PRPF6: variants seen among roughly 807,000 people sequenced by gnomAD.
PRPF6 encodes pre-mRNA processing factor 6, also known as pre-mRNA-processing factor 6.
A neutral mutation model predicts 118.3 loss-of-function variants in PRPF6; 42 were observed. That is an observed-to-expected ratio of 0.35 (90% confidence interval 0.28 to 0.46). The LOEUF (loss-of-function observed/expected upper bound fraction) is 0.46, where lower values mean the gene tolerates loss of function less well. Ranked by LOEUF, PRPF6 falls within the 20% of genes least tolerant of loss-of-function variation. The probability of loss-of-function intolerance (pLI) is 1.00; values close to 1 mark genes in which losing one functional copy is unlikely to be tolerated. For missense variants in PRPF6, 662 were observed against 1,255.7 expected (o/e 0.53, Z 7.15); for synonymous variants, 481 against 485.1 (o/e 0.99, Z 0.11).
rs146694953 is a variant in PRPF6 at position 63,995,170 on chromosome 20, T to G, written c.615+78T>G. ...GGCAGGAATGGTGGGTGGTGTTGGA[T>G]TCAATGCTTCTGCAGGTCATGGCTA... On this transcript the variant is annotated intron_variant, in intron 5 of 20. Coordinates refer to ENST00000266079, the MANE Select transcript of PRPF6 (RefSeq NM_012469.4). 5.0e-4 allele frequency: 796 copies of G among 1,603,414 alleles called. 4 individuals carry two copies. In the African/African-American group the frequency reaches 9.3e-3, roughly 19 times the overall value.
chr20:64,002,595 C>G (rs2059172574), intron 9 of PRPF6, among the ~76,000 whole-genome samples: 1 of 151,942 alleles, frequency 6.6e-6, no homozygotes, highest in African/African-American at 2.4e-5. Flanking sequence ...CTTGGCCTCC[C>G]AAAGTGCAGG....
chr20:63,988,188 C>T (rs1456060299), intron 3 of PRPF6, among the ~76,000 whole-genome samples: 1 of 152,032 alleles, frequency 6.6e-6, no homozygotes, highest in East Asian at 1.9e-4. Context: ...GGTGTAGTGG[C>T]ACACGTCTGT....
chr20:64,026,086 G>A lies in PRPF6; in HGVS notation c.2028+28G>A, dbSNP rs368702801. On this transcript the variant is annotated intron_variant, in intron 15 of 20. Transcript: ENST00000266079. The surrounding 1 kb of genome is among the most constrained non-coding windows in gnomAD (Gnocchi z 4.4). ...ACGCAGTGGCAGGCAGGGCTGGGCC[G>A]TCTGGGGTGCATGGTGTGCACATGC... is the stretch of plus-strand genomic sequence containing the variant. 1.6e-5 allele frequency: 25 copies of A among 1,598,584 alleles called. No individual in the cohort carries two copies. The highest frequency in any genetic ancestry group is 1.3e-4 in the East Asian group (6 of 44,886).
At chr20:64,004,373 C>T (rs930799565) in intron 9 of PRPF6, among the ~76,000 whole-genome samples, 5 of 152,232 alleles carry the variant, frequency 3.3e-5, no homozygotes, top group African/African-American at 1.2e-4. Context: ...AGAGTGTTTC[C>T]AAAAACTGTA....
intron 8 of PRPF6, among the ~76,000 whole-genome samples, chr20:64,000,226 C>G (rs1217959848): frequency 6.6e-6 from 1 of 152,132 alleles, no homozygotes; most frequent in Admixed American, 6.5e-5. Context: ...CGGTGGCTCA[C>G]GCCTGTAATC....
chr20:63,995,967 AT>A (rs2059139523), intron 6 of PRPF6, among the ~76,000 whole-genome samples: 3 of 152,072 alleles, frequency 2.0e-5, no homozygotes, highest in Non-Finnish European at 4.4e-5. Context: ...TTTTTTTAAA[AT>A]ATAAAATAAT....
At chr20:64,023,379 A>G (rs2059274751) in intron 13 of PRPF6, among the ~76,000 whole-genome samples, 1 of 152,208 alleles carries the variant, frequency 6.6e-6, no homozygotes. Flanking sequence ...TTGGCTGTAA[A>G]TGCTGATTAA....
intron 3 of PRPF6, among the ~76,000 whole-genome samples, chr20:63,986,433 A>G (rs1569210830): frequency 6.6e-6 from 1 of 151,960 alleles, no homozygotes; most frequent in Admixed American, 6.6e-5. Flanking sequence ...CAACATATGC[A>G]AATTAATCAG....
intron 3 of PRPF6, among the ~76,000 whole-genome samples, chr20:63,988,623 A>T (rs759143942): frequency 5.3e-5 from 8 of 152,076 alleles, no homozygotes; most frequent in Non-Finnish European, 1.0e-4. Context: ...CATGCCTGTA[A>T]TCCCAACACT....
intron 11 of PRPF6, among the ~76,000 whole-genome samples, chr20:64,014,458 C>T (rs960093092): frequency 1.4e-4 from 19 of 140,688 alleles, no homozygotes; most frequent in Non-Finnish European, 2.3e-4. Context: ...AGTTTGAGAC[C>T]AGCCTGGCCA....
Position 63,981,140 on chromosome 20 carries a change from C to T in PRPF6, c.-106C>T, listed in dbSNP as rs1324855331. 4.9e-6 allele frequency: 6 copies of T among 1,230,688 alleles called. No homozygotes were observed. Among genetic ancestry groups the T allele is most frequent in the African/African-American group, 4.5e-5 (3 of 66,524 alleles). 76.2% of individuals were successfully genotyped at this position (1,230,688 alleles called of 1,614,324 possible). A position where few individuals can be genotyped will look rare whatever the true frequency, so the allele number is the denominator to read the frequency against. On this transcript the variant is annotated 5_prime_UTR_variant, in exon 1 of 21. Transcript: ENST00000266079. ...GGCGCGGGTGACGCGACGACGGCGA[C>T]ACTTTGCTACGGAGTGCATCGGACG...
rs191440546 is a variant in PRPF6 at position 63,981,538 on chromosome 20, T to C, written c.71+222T>C. Among the ~76,000 whole-genome samples, 16 of 152,264 alleles carry C rather than the reference T, an allele frequency of 1.1e-4. No homozygotes were observed. In the East Asian group the frequency reaches 3.1e-3, roughly 29 times the overall value. On this transcript the variant is annotated intron_variant, in intron 1 of 20. Transcript: ENST00000266079. ...ACACATTGACTCTCAGCCCAGTGTTTTGGTCTGTAAGATGGGTAATGCTGT... is the reference window on the plus strand; with the variant it reads ...ACACATTGACTCTCAGCCCAGTGTTCTGGTCTGTAAGATGGGTAATGCTGT...
At chr20:64,020,211 T>C (rs1032556951) in intron 12 of PRPF6, among the ~76,000 whole-genome samples, 1 of 151,928 alleles carries the variant, frequency 6.6e-6, no homozygotes, top group East Asian at 1.9e-4. Context: ...AGGTCAGGAG[T>C]TCGAGACCAG....
At position 64,028,420 on chromosome 20, in the gene PRPF6, A is replaced by T; in HGVS notation, c.2340-58A>T. 6.3e-7 allele frequency: 1 copy of T among 1,575,968 alleles called. No individual in the cohort carries two copies. The highest frequency in any genetic ancestry group is 8.7e-7 in the Non-Finnish European group (1 of 1,146,274). The stretch of plus-strand genomic sequence containing the variant: ...TTTCAGACAAGGCTTCCCAGAAGCT[A>T]CCAGAATATGTGCTGTTGGTAGACG... On this transcript the variant is annotated intron_variant, in intron 17 of 20. Transcript: ENST00000266079. This position sits in a 1 kb window ranked among gnomAD's most constrained non-coding sequence, Gnocchi z 6.5.
At chr20:63,982,423 G>A (rs572550585) in intron 1 of PRPF6, among the ~76,000 whole-genome samples, 6 of 152,142 alleles carry the variant, frequency 3.9e-5, no homozygotes, top group African/African-American at 1.2e-4. Flanking sequence ...ACCCGCCTCC[G>A]TCTCCCAAAG....
chr20:64,004,762 C>A (rs185578736), intron 9 of PRPF6, among the ~76,000 whole-genome samples: 1 of 152,190 alleles, frequency 6.6e-6, no homozygotes, highest in Non-Finnish European at 1.5e-5. Flanking sequence ...GGGTGTCCCA[C>A]GTGCAGAGTC....
intron 10 of PRPF6, among the ~76,000 whole-genome samples, chr20:64,010,881 C>T (rs114960061): frequency 7.2e-5 from 11 of 152,276 alleles, no homozygotes; most frequent in Middle Eastern, 3.4e-3. Context: ...AAAGCCCGTA[C>T]ACATCTTAGG....
rs919745328 is a variant in PRPF6, at chr20:64,002,633, G to A, written c.1186+1394G>A. Among the ~76,000 whole-genome samples the A allele has an allele frequency of 2.0e-5, 3 of 149,272 alleles. No homozygotes were observed. In the Admixed American group the frequency reaches 2.0e-4, roughly 10 times the overall value. On this transcript the variant is annotated intron_variant, in intron 9 of 20. Coordinates refer to ENST00000266079, the MANE Select transcript of PRPF6 (RefSeq NM_012469.4). ...TTACAGGCGTGAGCCCCTGTGCCTG[G>A]CCTTTTCTTTTCTTTTTTTTTTTTT...
intron 20 of PRPF6, 116 bp from the exon 21 acceptor site, chr20:64,032,725 G>A (rs930474144): frequency 2.8e-5 from 38 of 1,361,018 alleles, no homozygotes; most frequent in East Asian, 5.0e-5. Context: ...CCTCTGGCCC[G>A]CCAGTTGGGG....
Sources: gnomAD v4.1 joint callset for allele counts (sites outside exome capture counted in the v4.1 genomes callset) on GRCh38, gnomAD v4.1.1 for gene constraint, Gnocchi (gnomAD v3.1) non-coding constraint, MANE v1.5 for transcripts, NCBI Gene and HGNC (gene_info 2026-07-23, HGNC 2026-07-21) for gene names.